Variants in ZDHHC21 observed in about 807,000 individuals in gnomAD.
ZDHHC21 encodes the protein palmitoyltransferase ZDHHC21.
A neutral mutation model predicts 34.6 loss-of-function variants in ZDHHC21; 15 were observed. The observed-to-expected ratio is 0.43, with a 90% CI of 0.29 to 0.67. ZDHHC21 has a LOEUF of 0.67. Among genes scored for constraint, ZDHHC21 ranks in the 30% least tolerant of loss-of-function variants. The probability of loss-of-function intolerance (pLI) is 0.14; values close to 1 mark genes in which losing one functional copy is unlikely to be tolerated. For missense variants in ZDHHC21, 344 were observed against 327.7 expected (o/e 1.05, Z -0.38); for synonymous variants, 142 against 101.8 (o/e 1.40, Z -2.38).
chr9:14,620,219 G>GA (rs1245056881), intron 8 of ZDHHC21, among the ~76,000 whole-genome samples: 3 of 151,656 alleles, frequency 2.0e-5, no homozygotes, highest in African/African-American at 4.8e-5. Flanking sequence ...TTTCTTAGCG[G>GA]AAAAAATAAC....
the ZDHHC21 span, among the ~76,000 whole-genome samples, chr9:14,599,956 C>G: frequency 6.6e-6 from 1 of 152,030 alleles, no homozygotes; most frequent in South Asian, 2.1e-4. Context: ...ATTTCAATAC[C>G]CCTTCATGCT....
chr9:14,680,685 T>C (rs1048720901), intron 2 of ZDHHC21, among the ~76,000 whole-genome samples: 1 of 152,160 alleles, frequency 6.6e-6, no homozygotes, highest in African/African-American at 2.4e-5. Flanking sequence ...TAATTCACTA[T>C]TTTATTAATT....
At chr9:14,595,691 T>C in the ZDHHC21 span, among the ~76,000 whole-genome samples, 3 of 152,150 alleles carry the variant, frequency 2.0e-5, no homozygotes, top group East Asian at 5.8e-4. Context: ...ACAAACTCTT[T>C]TGACTCAGTA....
At chr9:14,629,238 TG>T (rs1365581052) in intron 8 of ZDHHC21, among the ~76,000 whole-genome samples, 1 of 152,208 alleles carries the variant, frequency 6.6e-6, no homozygotes, top group Admixed American at 6.5e-5. Context: ...ATGAAACTTT[TG>T]GAGGGAGCAT....
intron 6 of ZDHHC21, 61 bp from the exon 7 acceptor site, chr9:14,658,948 C>G (rs1345864881): frequency 1.3e-6 from 2 of 1,513,460 alleles, no homozygotes; most frequent in East Asian, 4.5e-5. Context: ...ACCTCAGGAT[C>G]AATAAGACTA....
intron 4 of ZDHHC21, 96 bp downstream of exon 4, chr9:14,674,091 A>G (rs1411618040): frequency 4.1e-6 from 3 of 733,800 alleles, no homozygotes; most frequent in African/African-American, 3.8e-5. Flanking sequence ...AATACTAAAT[A>G]TATTAAAAGG....
chr9:14,687,643 T>C (rs970506132), intron 2 of ZDHHC21, among the ~76,000 whole-genome samples: 1 of 150,926 alleles, frequency 6.6e-6, no homozygotes, highest in Non-Finnish European at 1.5e-5. Context: ...ATCGTGCCAC[T>C]GCATTCCAGT....
rs1232784430 is a variant in ZDHHC21, at chr9:14,618,283, GA to G, written c.*682del. On this transcript the variant is annotated 3_prime_UTR_variant, in exon 10 of 10. Transcript: ENST00000380916. ...TAGTGAAAATTGAAAAAATTATTGT[GA>G]AAAAAATTTTAACATTTCCTTTATA... 1 of 152,318 alleles carries G rather than the reference GA, an allele frequency of 6.6e-6. No homozygotes were observed. Among genetic ancestry groups the G allele is most frequent in the Non-Finnish European group, 1.5e-5 (1 of 67,944 alleles). 9.4% of individuals were successfully genotyped at this position (152,318 alleles called of 1,614,324 possible). A position where few individuals can be genotyped will look rare whatever the true frequency, so the allele number is the denominator to read the frequency against.
At chr9:14,596,915 TG>T in the ZDHHC21 span, among the ~76,000 whole-genome samples, 1 of 151,944 alleles carries the variant, frequency 6.6e-6, no homozygotes, top group Non-Finnish European at 1.5e-5. Context: ...TTCTGAGGCA[TG>T]GAAGGAGAGA....
chr9:14,664,006 C>A (rs1833891223), intron 5 of ZDHHC21, among the ~76,000 whole-genome samples: 1 of 152,172 alleles, frequency 6.6e-6, no homozygotes, highest in African/African-American at 2.4e-5. Context: ...GGGGGAGGAG[C>A]CAAGATGGCC....
intron 7 of ZDHHC21, among the ~76,000 whole-genome samples, chr9:14,649,930 G>C (rs1261585852): frequency 6.6e-6 from 1 of 152,038 alleles, no homozygotes; most frequent in East Asian, 1.9e-4. Flanking sequence ...AGTAAAAGAA[G>C]AGTAAGACAA....
downstream of ZDHHC21, among the ~76,000 whole-genome samples, chr9:14,609,526 T>C (rs988358883): frequency 6.6e-6 from 1 of 152,080 alleles, no homozygotes; most frequent in Admixed American, 6.6e-5. Flanking sequence ...AAATTAGAAT[T>C]CTGAAAAATG....
chr9:14,681,762 T>C (rs908690147), intron 2 of ZDHHC21, among the ~76,000 whole-genome samples: 21 of 150,578 alleles, frequency 1.4e-4, no homozygotes, highest in African/African-American at 5.1e-4. Flanking sequence ...TGTGTGTAAG[T>C]GGGTGGGGTA....
At chr9:14,679,796 T>TA (rs1305661609) in intron 3 of ZDHHC21, among the ~76,000 whole-genome samples, 33 of 152,280 alleles carry the variant, frequency 2.2e-4, no homozygotes, top group Non-Finnish European at 3.4e-4. Flanking sequence ...ATATAAGACT[T>TA]ACGATTCAGA....
intron 8 of ZDHHC21, among the ~76,000 whole-genome samples, chr9:14,629,844 C>G (rs954500664): frequency 6.6e-6 from 1 of 152,010 alleles, no homozygotes; most frequent in Non-Finnish European, 1.5e-5. Flanking sequence ...GTCAAGCGAT[C>G]GATACCATCC....
chr9:14,655,923 G>A (rs917147422), intron 7 of ZDHHC21, among the ~76,000 whole-genome samples: 1 of 151,588 alleles, frequency 6.6e-6, no homozygotes, highest in Non-Finnish European at 1.5e-5. Flanking sequence ...ATCAAGATAG[G>A]TTGAAAGTAT....
intron 2 of ZDHHC21, among the ~76,000 whole-genome samples, chr9:14,687,584 T>A (rs914695037): frequency 6.6e-6 from 1 of 150,710 alleles, no homozygotes; most frequent in Admixed American, 6.6e-5. Flanking sequence ...GGCACGAGAA[T>A]CGCTTGAAGC....
downstream of ZDHHC21, among the ~76,000 whole-genome samples, chr9:14,610,503 T>G (rs529460703): frequency 6.6e-6 from 1 of 152,142 alleles, no homozygotes; most frequent in East Asian, 1.9e-4. Context: ...GGTAATAAAA[T>G]TTTTAAAAGA....
chr9:14,668,515 T>C (rs1834895201), intron 5 of ZDHHC21, among the ~76,000 whole-genome samples: 2 of 131,152 alleles, frequency 1.5e-5, no homozygotes, highest in South Asian at 5.8e-4. Context: ...AAAGTTCATA[T>C]GGAACCAAAA....
Sources: allele counts gnomAD v4.1 joint callset (sites outside exome capture counted in the v4.1 genomes callset), GRCh38; gene constraint gnomAD v4.1.1; transcripts MANE v1.5; gene names NCBI Gene and HGNC (gene_info 2026-07-23, HGNC 2026-07-21).